Variants in HSD17B12 observed in about 807,000 individuals in gnomAD.
The protein encoded by HSD17B12 is hydroxysteroid 17-beta dehydrogenase 12, also known as very-long-chain 3-oxoacyl-CoA reductase.
In HSD17B12, 32 loss-of-function variants were observed where a neutral mutation model predicts 39.3. The observed-to-expected ratio is 0.81, with a 90% CI of 0.61 to 1.09. HSD17B12 has a LOEUF of 1.09. Ranked by LOEUF, HSD17B12 falls within the 50% of genes least tolerant of loss-of-function variation. The probability of loss-of-function intolerance (pLI) is 0.00; values close to 1 mark genes in which losing one functional copy is unlikely to be tolerated. For synonymous variants in HSD17B12, 150 were observed against 146.7 expected (o/e 1.02, Z -0.16); for missense variants, 342 against 382.9 (o/e 0.89, Z 0.89).
intron 1 of HSD17B12, among the ~76,000 whole-genome samples, chr11:43,732,202 G>A (rs992822518): frequency 6.6e-6 from 1 of 152,152 alleles, no homozygotes; most frequent in African/African-American, 2.4e-5. Context: ...CTGCCACCAT[G>A]TGAAGAAGGA....
At chr11:43,777,397 G>T (rs1462609145) in intron 3 of HSD17B12, among the ~76,000 whole-genome samples, 3 of 152,066 alleles carry the variant, frequency 2.0e-5, no homozygotes, top group Non-Finnish European at 4.4e-5. Context: ...TCATGATTTG[G>T]CTCTCTGTTT....
chr11:43,685,176 G>A (rs1053307141), intron 1 of HSD17B12, among the ~76,000 whole-genome samples: 2 of 152,124 alleles, frequency 1.3e-5, no homozygotes, highest in Admixed American at 6.5e-5. Flanking sequence ...GATGGAACTC[G>A]TTTGGCTTTG....
chr11:43,798,405 T>A lies in HSD17B12; in HGVS notation c.369T>A (p.Ala123=). The change falls in exon 4 of 11, where the codon GCT becomes GCA. Residue 123 remains alanine (A), a synonymous_variant. Coordinates refer to ENST00000278353, the MANE Select transcript of HSD17B12 (RefSeq NM_016142.3). ...DIYDKIKTGL[A]GLEIGILVNN... The stretch of plus-strand genomic sequence containing the variant: ...ATGATAAAATTAAAACAGGCTTGGC[T>A]GGTCTTGAAATCGGCATCTTAGGTT... The A allele has an allele frequency of 6.2e-7, 1 of 1,610,960 alleles. No homozygotes were observed. The highest frequency in any genetic ancestry group is 2.2e-5 in the East Asian group (1 of 44,762).
the HSD17B12 span, among the ~76,000 whole-genome samples, chr11:43,660,896 A>C: frequency 1.3e-5 from 2 of 152,154 alleles, no homozygotes. Context: ...AGGCTGAGGC[A>C]GGTGGATTAC....
intron 6 of HSD17B12, chr11:43,829,642 C>G (rs979039072): frequency 6.6e-6 from 1 of 152,116 alleles, no homozygotes; most frequent in Non-Finnish European, 1.5e-5. Context: ...CACTTAGCTG[C>G]TTTATAGTTA....
chr11:43,626,707 G>T, the HSD17B12 span, among the ~76,000 whole-genome samples: 1 of 151,810 alleles, frequency 6.6e-6, no homozygotes, highest in Admixed American at 6.6e-5. Context: ...AAATGAAACA[G>T]CTGCAGCTGA....
At chr11:43,750,784 G>A in intron 1 of HSD17B12, 127 bp from the exon 2 acceptor site, 1 of 549,646 alleles carries the variant, frequency 1.8e-6, no homozygotes, top group South Asian at 3.4e-5. Flanking sequence ...TTGAACCGCT[G>A]GTATTGTTCT....
intron 5 of HSD17B12, 58 bp from the exon 6 acceptor site, chr11:43,816,289 T>A (rs1412921580): frequency 7.5e-7 from 1 of 1,327,086 alleles, no homozygotes; most frequent in Non-Finnish European, 1.0e-6. Flanking sequence ...TAAGTAGATA[T>A]CTAATAGGGT....
At chr11:43,744,825 G>C (rs1308629679) in intron 1 of HSD17B12, among the ~76,000 whole-genome samples, 1 of 152,226 alleles carries the variant, frequency 6.6e-6, no homozygotes, top group Non-Finnish European at 1.5e-5. Flanking sequence ...CTATGATGCA[G>C]GTATAGCAAA....
chr11:43,695,452 C>T (rs1164703097), intron 1 of HSD17B12, among the ~76,000 whole-genome samples: 1 of 151,856 alleles, frequency 6.6e-6, no homozygotes, highest in African/African-American at 2.4e-5. Context: ...GTGGTGCACG[C>T]CTGTAATCCC....
chr11:43,700,001 A>G (rs143102119), intron 1 of HSD17B12, among the ~76,000 whole-genome samples: 92 of 152,244 alleles, frequency 6.0e-4, no homozygotes, highest in Middle Eastern at 3.4e-3. Context: ...CCCACACAAT[A>G]ACTCTGGAGC....
At chr11:43,682,566 A>G (rs1003786021) in intron 1 of HSD17B12, among the ~76,000 whole-genome samples, 2 of 137,866 alleles carry the variant, frequency 1.5e-5, no homozygotes, top group Non-Finnish European at 1.6e-5. Flanking sequence ...AAAAAAAAAA[A>G]CAGAAAGTGA....
chr11:43,582,031 G>A, the HSD17B12 span, among the ~76,000 whole-genome samples: 2 of 152,188 alleles, frequency 1.3e-5, no homozygotes, highest in Non-Finnish European at 1.5e-5. Context: ...GCGGTGAATT[G>A]GGTAGATCCG....
intron 4 of HSD17B12, among the ~76,000 whole-genome samples, chr11:43,815,183 G>C (rs1951110253): frequency 6.6e-6 from 1 of 152,188 alleles, no homozygotes; most frequent in African/African-American, 2.4e-5. Flanking sequence ...GCTATGGAAA[G>C]TGAGAGGCAA....
At chr11:43,703,278 T>C (rs1490110579) in intron 1 of HSD17B12, among the ~76,000 whole-genome samples, 1 of 151,798 alleles carries the variant, frequency 6.6e-6, no homozygotes, top group Non-Finnish European at 1.5e-5. Context: ...CACTGCAAGC[T>C]CCGCCTCCCG....
At chr11:43,741,970 A>G (rs1950369380) in intron 1 of HSD17B12, among the ~76,000 whole-genome samples, 1 of 149,806 alleles carries the variant, frequency 6.7e-6, no homozygotes, top group South Asian at 2.1e-4. Flanking sequence ...TCCTGACCTC[A>G]TGATCTGCCT....
chr11:43,584,108 C>T, the HSD17B12 span, among the ~76,000 whole-genome samples: 1 of 152,304 alleles, frequency 6.6e-6, no homozygotes, highest in African/African-American at 2.4e-5. Context: ...TGACCACACC[C>T]TGGGTGATCT....
At chr11:43,837,185 A>T (rs1951379174) in intron 7 of HSD17B12, among the ~76,000 whole-genome samples, 1 of 152,152 alleles carries the variant, frequency 6.6e-6, no homozygotes, top group African/African-American at 2.4e-5. Flanking sequence ...TTCATTTCAG[A>T]TTTATGCCTA....
intron 3 of HSD17B12, among the ~76,000 whole-genome samples, chr11:43,757,775 G>C (rs1950524536): frequency 6.7e-6 from 1 of 150,160 alleles, no homozygotes; most frequent in Admixed American, 6.6e-5. Flanking sequence ...AGGAAACAAA[G>C]GGCTAGAGAG....
Sources: gnomAD v4.1 joint callset for allele counts (sites outside exome capture counted in the v4.1 genomes callset) on GRCh38, gnomAD v4.1.1 for gene constraint, MANE v1.5 for transcripts, NCBI Gene and HGNC (gene_info 2026-07-23, HGNC 2026-07-21) for gene names.